SHROOM3: variants seen among roughly 807,000 people sequenced by gnomAD.
The protein encoded by SHROOM3 is protein Shroom3.
Under a neutral mutation model 138.6 loss-of-function variants are expected in SHROOM3, and 47 were observed. That is an observed-to-expected ratio of 0.34 (90% CI 0.27 to 0.43). SHROOM3 has a LOEUF of 0.43. Among genes scored for constraint, SHROOM3 ranks in the 20% least tolerant of loss-of-function variants. The pLI, the probability that SHROOM3 is intolerant of heterozygous loss-of-function variation, is 1.00. For synonymous variants in SHROOM3, 1,062 were observed against 1,063.3 expected, an observed-to-expected ratio of 1.00 and a Z score of 0.02; for missense variants, 2,491 against 2,596.5, an observed-to-expected ratio of 0.96 and a Z score of 0.88.
chr4:76,534,897 C>T (rs1448017240), intron 1 of SHROOM3, among the ~76,000 whole-genome samples: 1 of 16,658 alleles, frequency 6.0e-5, no homozygotes, highest in Non-Finnish European at 1.1e-4. Flanking sequence ...TTGACTTCCT[C>T]TTAAGGACCA....
Position 76,555,632 on chromosome 4 carries a change from C to T in SHROOM3, c.192C>T (p.Asp64=). 6.2e-7 allele frequency: 1 copy of T among 1,613,914 alleles called. No individual in the cohort carries two copies. Among genetic ancestry groups the T allele is most frequent in the Non-Finnish European group, 8.5e-7 (1 of 1,180,026 alleles). ...ISKVEEGGKA[D]TLSSKLQAGD... Reference sequence around the variant, plus strand: ...AGGTCGAAGAAGGGGGCAAAGCAGACACCCTGAGCTCCAAACTGCAGGCTG... The same window carrying T: ...AGGTCGAAGAAGGGGGCAAAGCAGATACCCTGAGCTCCAAACTGCAGGCTG... The change falls in exon 2 of 11, where the codon GAC becomes GAT. Residue 64 remains aspartate, a synonymous_variant. Transcript: ENST00000296043.
intron 10 of SHROOM3, among the ~76,000 whole-genome samples, chr4:76,775,077 C>T (rs915153907): frequency 6.6e-6 from 1 of 151,890 alleles, no homozygotes; most frequent in Non-Finnish European, 1.5e-5. Context: ...TACACTGTAC[C>T]CGATGTGTAG....
At chr4:76,704,549 G>A (rs540925726) in intron 2 of SHROOM3, among the ~76,000 whole-genome samples, 21 of 152,366 alleles carry the variant, frequency 1.4e-4, no homozygotes, top group African/African-American at 5.0e-4. Context: ...AGAACAGCAT[G>A]TGCAAAAAGC....
chr4:76,441,652 A>G (rs1371968405), intron 1 of SHROOM3, among the ~76,000 whole-genome samples: 2 of 151,994 alleles, frequency 1.3e-5, no homozygotes, highest in Non-Finnish European at 2.9e-5. Flanking sequence ...TGTTCAATCT[A>G]TCTTTGTCCT....
chr4:76,551,931 G>A (rs575502546), intron 1 of SHROOM3, among the ~76,000 whole-genome samples: 1 of 150,682 alleles, frequency 6.6e-6, no homozygotes, highest in Non-Finnish European at 1.5e-5. Context: ...GTGCGATCTC[G>A]GCTCACTGCA....
chr4:76,554,074 G>A (rs1733425824), intron 1 of SHROOM3, among the ~76,000 whole-genome samples: 1 of 152,142 alleles, frequency 6.6e-6, no homozygotes, highest in Non-Finnish European at 1.5e-5. Context: ...ATATCGAATG[G>A]TTTCACTGCC....
chr4:76,522,727 G>A (rs1218927485), intron 1 of SHROOM3, among the ~76,000 whole-genome samples: 1 of 152,194 alleles, frequency 6.6e-6, no homozygotes, highest in African/African-American at 2.4e-5. Flanking sequence ...GGCAGAGGTT[G>A]CAGTGAGCTA....
intron 1 of SHROOM3, among the ~76,000 whole-genome samples, chr4:76,440,261 A>G (rs1166449428): frequency 1.3e-5 from 2 of 152,196 alleles, no homozygotes; most frequent in Non-Finnish European, 2.9e-5. Flanking sequence ...CCAATGTTAT[A>G]TGTGGGACAC....
At chr4:76,576,549 A>G (rs938045257) in intron 2 of SHROOM3, among the ~76,000 whole-genome samples, 1 of 152,192 alleles carries the variant, frequency 6.6e-6, no homozygotes, top group African/African-American at 2.4e-5. Flanking sequence ...TAATGCATAC[A>G]AAAAGGTAGG....
chr4:76,632,220 CAGAG>C (rs1735345844), intron 2 of SHROOM3, among the ~76,000 whole-genome samples: 1 of 151,928 alleles, frequency 6.6e-6, no homozygotes, highest in African/African-American at 2.4e-5. Context: ...GAGAGAGAGC[CAGAG>C]AGAGAAAGTT....
intron 1 of SHROOM3, among the ~76,000 whole-genome samples, chr4:76,505,733 T>C (rs1249996266): frequency 6.6e-6 from 1 of 150,822 alleles, no homozygotes; most frequent in East Asian, 2.0e-4. Context: ...TGATCATAGC[T>C]CACTGCAACC....
At chr4:76,754,230 C>G (rs1264299981) in intron 6 of SHROOM3, 81 bp from the exon 7 acceptor site, 8 of 1,568,118 alleles carry the variant, frequency 5.1e-6, no homozygotes, top group Non-Finnish European at 7.0e-6. Context: ...AAATGCTTTT[C>G]TCATCTATGT....
chr4:76,690,990 T>C (rs985174444), intron 2 of SHROOM3, among the ~76,000 whole-genome samples: 3 of 152,226 alleles, frequency 2.0e-5, no homozygotes, highest in Non-Finnish European at 4.4e-5. Context: ...GAATTTATTG[T>C]GGCAATTTCT....
rs1722762431 is a variant in SHROOM3, at chr4:76,782,634, T to C, written c.*3457T>C. On this transcript the variant is annotated 3_prime_UTR_variant, in exon 11 of 11. Coordinates refer to ENST00000296043, the MANE Select transcript of SHROOM3 (RefSeq NM_020859.4). ...TCTTCAGTTTAATTGTCCATGGTAG[T>C]GCTGGCTTCATTGTTAGGTTGGAGT... is the stretch of plus-strand genomic sequence containing the variant. 1 of 152,234 alleles carries C rather than the reference T, an allele frequency of 6.6e-6. No homozygotes were observed. The highest frequency in any genetic ancestry group is 2.4e-5 in the African/African-American group (1 of 41,466). The allele number at this position is 152,234 out of a possible 1,614,324, so 9.4% of individuals were successfully genotyped here.
chr4:76,507,324 G>A (rs1319022813), intron 1 of SHROOM3, among the ~76,000 whole-genome samples: 2 of 152,090 alleles, frequency 1.3e-5, no homozygotes, highest in African/African-American at 4.8e-5. Flanking sequence ...TCAGGTTATA[G>A]AGAAAACTGT....
At chr4:76,438,875 C>G (rs1730613251) in intron 1 of SHROOM3, among the ~76,000 whole-genome samples, 1 of 152,120 alleles carries the variant, frequency 6.6e-6, no homozygotes, top group Admixed American at 6.5e-5. Flanking sequence ...GTGCCTGGCA[C>G]AGAGTAGGCA....
chr4:76,584,995 T>C lies in SHROOM3; in HGVS notation c.323+29232T>C, dbSNP rs139358025. ...TTTCATTTCCTTAGATTTCACATTA[T>C]AGAGATATAAATAACTCTGGAATTC... On this transcript the variant is annotated intron_variant, in intron 2 of 10. Transcript: ENST00000296043. Among the ~76,000 whole-genome samples the C allele has an allele frequency of 2.3e-3, 349 of 152,294 alleles. 1 individual carries two copies. Among genetic ancestry groups the C allele is most frequent in the African/African-American group, 7.7e-3 (320 of 41,538 alleles).
chr4:76,729,164 A>G (rs1019563977), intron 3 of SHROOM3, among the ~76,000 whole-genome samples: 4 of 152,202 alleles, frequency 2.6e-5, no homozygotes, highest in Admixed American at 1.3e-4. Context: ...CTTCATTGAT[A>G]AGGAAACTCA....
chr4:76,512,150 A>T (rs1732350736), intron 1 of SHROOM3, among the ~76,000 whole-genome samples: 1 of 152,182 alleles, frequency 6.6e-6, no homozygotes, highest in Non-Finnish European at 1.5e-5. Flanking sequence ...AGATAGGGCC[A>T]AAGGTCAAGT....
Sources: allele counts gnomAD v4.1 joint callset (sites outside exome capture counted in the v4.1 genomes callset), GRCh38; gene constraint gnomAD v4.1.1; transcripts MANE v1.5; gene names NCBI Gene and HGNC (gene_info 2026-07-23, HGNC 2026-07-21).